The following TTLL9 variants were observed in gnomAD, a reference collection of about 807,000 sequenced individuals.
TTLL9 encodes tubulin tyrosine ligase like 9.
In TTLL9, 47 loss-of-function variants were observed where a neutral mutation model predicts 65.6. The observed-to-expected ratio is 0.72, with a 90% CI of 0.57 to 0.91. The LOEUF (loss-of-function observed/expected upper bound fraction) is 0.91. Among genes scored for constraint, TTLL9 ranks in the 40% least tolerant of loss-of-function variants. TTLL9 has a pLI of 0.00. For synonymous variants in TTLL9, 179 were observed against 204.8 expected (o/e 0.87, Z 1.07); for missense variants, 537 against 568.8 (o/e 0.94, Z 0.57).
At chr20:31,929,013 C>T (rs2063958983) in intron 10 of TTLL9, among the ~76,000 whole-genome samples, 1 of 152,148 alleles carries the variant, frequency 6.6e-6, no homozygotes, top group African/African-American at 2.4e-5. Context: ...GCAGCTGAGA[C>T]CACAGGCACA....
At chr20:31,934,589 C>A in intron 11 of TTLL9, 103 bp from the exon 12 acceptor site, 1 of 1,145,542 alleles carries the variant, frequency 8.7e-7, no homozygotes, top group Non-Finnish European at 1.2e-6. Flanking sequence ...GCCCCTCTTG[C>A]CCAGGTCTAA....
At chr20:31,911,631 G>C (rs906130769) in intron 6 of TTLL9, among the ~76,000 whole-genome samples, 1 of 152,234 alleles carries the variant, frequency 6.6e-6, no homozygotes. Flanking sequence ...AGGCTGATGA[G>C]CACGGAGTGC....
intron 3 of TTLL9, among the ~76,000 whole-genome samples, chr20:31,893,188 A>G (rs2063331801): frequency 6.6e-6 from 1 of 152,056 alleles, no homozygotes; most frequent in South Asian, 2.1e-4. Flanking sequence ...TTTACTGGAT[A>G]TAGAATTCGA....
intron 3 of TTLL9, among the ~76,000 whole-genome samples, chr20:31,890,550 G>A (rs545200374): frequency 2.6e-5 from 4 of 152,336 alleles, no homozygotes; most frequent in Admixed American, 2.6e-4. Context: ...AGGGAAGGAT[G>A]TGAGAGCAAG....
At chr20:31,876,460 A>G (rs753539817) in intron 2 of TTLL9, among the ~76,000 whole-genome samples, 1 of 152,214 alleles carries the variant, frequency 6.6e-6, no homozygotes, top group Non-Finnish European at 1.5e-5. Flanking sequence ...AAGAAAGAAA[A>G]AAGGAATATA....
chr20:31,940,389 G>T (rs2064184362), intron 14 of TTLL9: 1 of 152,030 alleles, frequency 6.6e-6, no homozygotes, highest in Admixed American at 6.6e-5. Context: ...AATGTATAAG[G>T]CTTCAGATGA....
At chr20:31,873,821 G>GAAGGAAGAAAGAAAGAAAGAAAGAAA (rs1568723275) in intron 2 of TTLL9, among the ~76,000 whole-genome samples, 4 of 95,982 alleles carry the variant, frequency 4.2e-5, no homozygotes, top group African/African-American at 1.2e-4. Flanking sequence ...AGGAAGGAAG[G>GAAGGAAGAAAGAAAGAAAGAAAGAAA]AAGAAAGAAA....
chr20:31,929,295 A>C (rs1241973108), intron 10 of TTLL9, among the ~76,000 whole-genome samples: 1 of 152,244 alleles, frequency 6.6e-6, no homozygotes, highest in African/African-American at 2.4e-5. Context: ...TGTTTCTACA[A>C]TGGATAGGCC....
intron 3 of TTLL9, among the ~76,000 whole-genome samples, chr20:31,889,336 C>A (rs1168271496): frequency 6.6e-6 from 1 of 152,108 alleles, no homozygotes; most frequent in Non-Finnish European, 1.5e-5. Context: ...TCATGGCTCA[C>A]TGCAGCCTTG....
intron 7 of TTLL9, 33 bp downstream of exon 7, chr20:31,919,965 CCCT>C (rs944316985): frequency 6.5e-7 from 1 of 1,546,154 alleles, no homozygotes; most frequent in Non-Finnish European, 8.7e-7. Context: ...CCTCCCTGAA[CCCT>C]CCTCTGACCT....
At chr20:31,902,345 C>T (rs1007127868) in intron 4 of TTLL9, among the ~76,000 whole-genome samples, 19 of 152,150 alleles carry the variant, frequency 1.2e-4, no homozygotes, top group African/African-American at 3.4e-4. Context: ...GTTTTCAAGG[C>T]TCATCCATGT....
intron 3 of TTLL9, 30 bp from the exon 4 acceptor site, chr20:31,898,443 T>G (rs2063418497): frequency 1.9e-6 from 3 of 1,603,802 alleles, no homozygotes; most frequent in Non-Finnish European, 2.6e-6. Flanking sequence ...TCATTGATCC[T>G]GAGCAAATGT....
intron 2 of TTLL9, among the ~76,000 whole-genome samples, chr20:31,879,275 C>A (rs1306070080): frequency 5.3e-5 from 8 of 152,212 alleles, no homozygotes; most frequent in African/African-American, 1.9e-4. Context: ...GAGCCCAGAT[C>A]GCGCCAATGC....
chr20:31,901,280 T>A (rs2063475577), intron 4 of TTLL9: 1 of 152,202 alleles, frequency 6.6e-6, no homozygotes, highest in Admixed American at 6.5e-5. Flanking sequence ...GGAAATGCCA[T>A]GAGTGGAAGG....
Position 31,899,246 on chromosome 20 carries a change from C to T in TTLL9, c.206+681C>T, listed in dbSNP as rs556295978. On this transcript the variant is annotated intron_variant, in intron 4 of 14. Coordinates refer to ENST00000535842, the MANE Select transcript of TTLL9 (RefSeq NM_001008409.5). ...TGCTTCTGTCTTTCCATTCTACTAT[C>T]CCTTAGGTGAGGTCCTTGTTTTTCA... Among the ~76,000 whole-genome samples the T allele has an allele frequency of 1.6e-3, 241 of 152,342 alleles. 2 individuals are homozygous for T. Among genetic ancestry groups the T allele is most frequent in the African/African-American group, 5.6e-3 (234 of 41,574 alleles).
intron 2 of TTLL9, among the ~76,000 whole-genome samples, chr20:31,882,126 C>T (rs1568737477): frequency 6.6e-6 from 1 of 152,140 alleles, no homozygotes; most frequent in Non-Finnish European, 1.5e-5. Flanking sequence ...TGTGTACCCT[C>T]ACGAAAATAT....
chr20:31,890,161 CT>C (rs1304290772), intron 3 of TTLL9, among the ~76,000 whole-genome samples: 36 of 109,986 alleles, frequency 3.3e-4, no homozygotes, highest in South Asian at 1.2e-3. Context: ...TTCCTTCTTT[CT>C]TTCTTTCTTT....
Position 31,944,026 on chromosome 20 carries a change from G to C in TTLL9, c.*1005G>C, listed in dbSNP as rs972439815. 1.4e-5 allele frequency: 5 copies of C among 345,976 alleles called. No individual in the cohort carries two copies. The highest frequency in any genetic ancestry group is 1.1e-4 in the African/African-American group (5 of 46,626). The allele number at this position is 345,976 out of a possible 1,614,324, so 21.4% of individuals were successfully genotyped here. A position where few individuals can be genotyped will look rare whatever the true frequency, so the allele number is the denominator to read the frequency against. On this transcript the variant is annotated 3_prime_UTR_variant, in exon 15 of 15. Coordinates refer to ENST00000535842, the MANE Select transcript of TTLL9 (RefSeq NM_001008409.5). ...CAAATGGTTGAATCTGCCTGCCTAG[G>C]TCAAGCCCGAAGGGAAGACTTTTGG...
In TTLL9 at chr20:31,910,714, T is replaced by C. The variant is rs568415613; in HGVS notation, c.504+792T>C. Among the ~76,000 whole-genome samples the C allele has an allele frequency of 2.0e-5, 3 of 152,288 alleles. No homozygotes were observed. The South Asian group carries it at 6.2e-4, about 32-fold the overall frequency. On this transcript the variant is annotated intron_variant, in intron 6 of 14. Transcript: ENST00000535842. ...CACAGGTAAAGCACATAGTAAGTACTCAATAAATGAGAATTGTTATAATAA... is the reference window on the plus strand; with the variant it reads ...CACAGGTAAAGCACATAGTAAGTACCCAATAAATGAGAATTGTTATAATAA...
Sources: allele counts gnomAD v4.1 joint callset (sites outside exome capture counted in the v4.1 genomes callset), GRCh38; gene constraint gnomAD v4.1.1; transcripts MANE v1.5; gene names NCBI Gene and HGNC (gene_info 2026-07-23, HGNC 2026-07-21).